GALNT1: variants seen among roughly 807,000 people sequenced by gnomAD.
GALNT1 encodes the protein GalNAc transferase 1.
In GALNT1, 17 loss-of-function variants were observed where a neutral mutation model predicts 65.7. The ratio of observed to expected loss-of-function variants is 0.26; its 90% CI spans 0.18 to 0.39. The LOEUF (loss-of-function observed/expected upper bound fraction) is 0.39, where lower values mean the gene tolerates loss of function less well. Among genes scored for constraint, GALNT1 ranks in the 10% least tolerant of loss-of-function variants. GALNT1 has a pLI of 1.00. For synonymous variants in GALNT1, 210 were observed against 219.7 expected, an observed-to-expected ratio of 0.96 and a Z score of 0.39; for missense variants, 460 against 672.8, an observed-to-expected ratio of 0.68 and a Z score of 3.50.
chr18:35,641,494 A>G (rs2047163108), intron 1 of GALNT1, among the ~76,000 whole-genome samples: 1 of 152,228 alleles, frequency 6.6e-6, no homozygotes, highest in African/African-American at 2.4e-5. Flanking sequence ...ACAAGGCTAC[A>G]TTAGGATCTT....
intron 9 of GALNT1, among the ~76,000 whole-genome samples, chr18:35,694,608 T>A (rs58283976): frequency 0.082 from 12,438 of 152,236 alleles, 563 homozygotes; most frequent in African/African-American, 0.12. Flanking sequence ...GAACGCAGGG[T>A]CTGAAGAGTT....
At chr18:35,693,824 A>C (rs971064655) in intron 9 of GALNT1, among the ~76,000 whole-genome samples, 2 of 152,170 alleles carry the variant, frequency 1.3e-5, no homozygotes, top group Non-Finnish European at 2.9e-5. Context: ...TAAAGCCACA[A>C]AACTGTATGA....
chr18:35,616,632 CCTT>C (rs2046787005), intron 1 of GALNT1, among the ~76,000 whole-genome samples: 1 of 151,992 alleles, frequency 6.6e-6, no homozygotes, highest in East Asian at 1.9e-4. Context: ...GGTTGTAAAA[CCTT>C]CTAGTGTTTT....
intron 1 of GALNT1, among the ~76,000 whole-genome samples, chr18:35,625,891 T>C (rs2046910817): frequency 6.6e-6 from 1 of 152,152 alleles, no homozygotes; most frequent in Non-Finnish European, 1.5e-5. Context: ...GAGAAGAAAT[T>C]AGTAACTTAC....
intron 1 of GALNT1, among the ~76,000 whole-genome samples, chr18:35,617,407 T>C (rs2046798443): frequency 1.3e-5 from 2 of 152,244 alleles, no homozygotes. Context: ...TAAATCCTAA[T>C]TTAGCGTTTA....
intron 2 of GALNT1, among the ~76,000 whole-genome samples, chr18:35,663,083 C>G (rs928297971): frequency 1.1e-4 from 17 of 151,998 alleles, no homozygotes; most frequent in Admixed American, 5.2e-4. Flanking sequence ...GGAAGAGAAG[C>G]CATTTTAGTT....
intron 1 of GALNT1, among the ~76,000 whole-genome samples, chr18:35,612,472 G>T (rs1354848890): frequency 6.6e-6 from 1 of 152,068 alleles, no homozygotes; most frequent in Non-Finnish European, 1.5e-5. Flanking sequence ...TTTTATATTT[G>T]TTTAATTTTT....
Position 35,583,986 on chromosome 18 carries a change from A to G in GALNT1, c.-104+2124A>G, listed in dbSNP as rs1217473469. On this transcript the variant is annotated intron_variant, in intron 1 of 11. Transcript: ENST00000269195. ...ATTTTGTATTTTTTTAGGTAGCTAA[A>G]TTCCAGACATTATTTGGATTTCACC... is the stretch of plus-strand genomic sequence containing the variant. Among the ~76,000 whole-genome samples the G allele has an allele frequency of 3.9e-5, 6 of 152,210 alleles. No homozygotes were observed. In the East Asian group the frequency reaches 1.2e-3, roughly 29 times the overall value.
intron 11 of GALNT1, among the ~76,000 whole-genome samples, chr18:35,709,000 C>T (rs555298664): frequency 1.3e-5 from 2 of 152,320 alleles, no homozygotes; most frequent in East Asian, 3.9e-4. Flanking sequence ...TTCTGTACCA[C>T]ACCATCTCCT....
At chr18:35,684,045 A>G (rs1219582108) in intron 5 of GALNT1, among the ~76,000 whole-genome samples, 2 of 152,256 alleles carry the variant, frequency 1.3e-5, no homozygotes, top group African/African-American at 4.8e-5. Flanking sequence ...TATGGAAAGC[A>G]CCATAATCTT....
chr18:35,689,357 T>C, intron 7 of GALNT1, 67 bp downstream of exon 7: 3 of 872,174 alleles, frequency 3.4e-6, no homozygotes, highest in Non-Finnish European at 5.6e-6. Context: ...TGATTATTCA[T>C]GTATCTCTAC....
chr18:35,695,863 G>A (rs2048047357), intron 9 of GALNT1, among the ~76,000 whole-genome samples: 1 of 152,186 alleles, frequency 6.6e-6, no homozygotes, highest in Admixed American at 6.5e-5. Context: ...TCACTCTGCA[G>A]CTTGTCTTTA....
chr18:35,650,311 CA>C (rs1484766684), intron 1 of GALNT1, among the ~76,000 whole-genome samples: 1 of 152,092 alleles, frequency 6.6e-6, no homozygotes, highest in East Asian at 1.9e-4. Context: ...GTGTGGGTCA[CA>C]GAGTTCACAT....
At chr18:35,693,325 G>A (rs563487117) in intron 9 of GALNT1, among the ~76,000 whole-genome samples, 2 of 152,322 alleles carry the variant, frequency 1.3e-5, no homozygotes, top group Admixed American at 1.3e-4. Context: ...ACAGCAGGGA[G>A]ACCAGTTGTC....
At chr18:35,629,799 G>A (rs1469946853) in intron 1 of GALNT1, among the ~76,000 whole-genome samples, 1 of 152,190 alleles carries the variant, frequency 6.6e-6, no homozygotes, top group Admixed American at 6.5e-5. Context: ...TCAGTGTGTT[G>A]TATTCAGGAA....
Position 35,683,855 on chromosome 18 carries a change from T to A in GALNT1, c.689+257T>A, listed in dbSNP as rs1425522192. On this transcript the variant is annotated intron_variant, in intron 5 of 11. Coordinates refer to ENST00000269195, the MANE Select transcript of GALNT1 (RefSeq NM_020474.4). ...ATTGGAATGTATACTATATGCTGTGTTCACCAAGCTGGAGCAGAACAGATA... is the reference window on the plus strand; with the variant it reads ...ATTGGAATGTATACTATATGCTGTGATCACCAAGCTGGAGCAGAACAGATA... Among the ~76,000 whole-genome samples, 4 of 152,186 alleles carry A rather than the reference T, an allele frequency of 2.6e-5. 1 individual carries two copies. The East Asian group carries it at 5.8e-4, about 22-fold the overall frequency.
chr18:35,615,562 C>T (rs979198308), intron 1 of GALNT1, among the ~76,000 whole-genome samples: 1 of 152,138 alleles, frequency 6.6e-6, no homozygotes, highest in South Asian at 2.1e-4. Context: ...TTTGGCTGTA[C>T]TAAAATTAAG....
chr18:35,636,917 T>TA (rs1471389538), intron 1 of GALNT1, among the ~76,000 whole-genome samples: 6 of 151,942 alleles, frequency 3.9e-5, no homozygotes, highest in Admixed American at 3.3e-4. Context: ...TGGTAATTCT[T>TA]AGAGTATTTC....
chr18:35,628,410 A>G lies in GALNT1; in HGVS notation c.-103-26150A>G, dbSNP rs143561150. ...CAGGCAGCAACATTTGCTGTTGACC[A>G]GTATTCGCTGTTCTGCAGCCTCCGC... is the stretch of plus-strand genomic sequence containing the variant. On this transcript the variant is annotated intron_variant, in intron 1 of 11. Transcript: ENST00000269195. Among the ~76,000 whole-genome samples the G allele has an allele frequency of 2.5e-3, 387 of 152,324 alleles. 1 individual carries two copies. The highest frequency in any genetic ancestry group is 8.5e-3 in the African/African-American group (354 of 41,580).
Sources: gnomAD v4.1 joint callset for allele counts (sites outside exome capture counted in the v4.1 genomes callset) on GRCh38, gnomAD v4.1.1 for gene constraint, MANE v1.5 for transcripts, NCBI Gene and HGNC (gene_info 2026-07-23, HGNC 2026-07-21) for gene names.